Variants in ABCG2 observed in about 807,000 individuals in gnomAD.
ABCG2 encodes ATP binding cassette subfamily G member 2 (JR blood group), also known as broad substrate specificity ATP-binding cassette transporter ABCG2.
A neutral mutation model predicts 73.5 loss-of-function variants in ABCG2; 80 were observed. The ratio of observed to expected loss-of-function variants is 1.09; its 90% CI spans 0.91 to 1.31. The LOEUF (loss-of-function observed/expected upper bound fraction) is 1.31, where lower values mean the gene tolerates loss of function less well. Ranked by LOEUF, ABCG2 falls within the 50% of genes most tolerant of loss-of-function variation. The probability of loss-of-function intolerance (pLI) is 0.00; values close to 1 mark genes in which losing one functional copy is unlikely to be tolerated. For missense variants in ABCG2, 796 were observed against 786.2 expected, an observed-to-expected ratio of 1.01 and a Z score of -0.15; for synonymous variants, 269 against 282.4, an observed-to-expected ratio of 0.95 and a Z score of 0.48.
chr4:88,210,382 G>A (rs1016263831), intron 1 of ABCG2, among the ~76,000 whole-genome samples: 1 of 152,226 alleles, frequency 6.6e-6, no homozygotes, highest in South Asian at 2.1e-4. Context: ...GTTCGTTGAA[G>A]GAGAGTAAAA....
chr4:88,149,710 G>A (rs6843273), intron 1 of ABCG2, among the ~76,000 whole-genome samples: 2,350 of 152,230 alleles, frequency 0.015, 56 homozygotes, highest in African/African-American at 0.054. Flanking sequence ...AATTAGTTGG[G>A]CATGGTAGCG....
chr4:88,167,767 A>G (rs1403214915), intron 1 of ABCG2, among the ~76,000 whole-genome samples: 2 of 152,154 alleles, frequency 1.3e-5, no homozygotes, highest in Non-Finnish European at 2.9e-5. Context: ...GACTTTAGTT[A>G]TAACTTCAAA....
intron 7 of ABCG2, 37 bp from the exon 8 acceptor site, chr4:88,115,095 G>A: frequency 6.9e-7 from 1 of 1,445,874 alleles, no homozygotes; most frequent in Non-Finnish European, 9.7e-7. Flanking sequence ...CAAACTTGAT[G>A]GTCTTGGAAA....
At chr4:88,227,529 G>C (rs1311448735) in intron 1 of ABCG2, among the ~76,000 whole-genome samples, 1 of 152,120 alleles carries the variant, frequency 6.6e-6, no homozygotes, top group Non-Finnish European at 1.5e-5. Context: ...TGATCTCTGA[G>C]TGGTGGCACT....
intron 5 of ABCG2, among the ~76,000 whole-genome samples, chr4:88,125,607 CAAAAAAAAAAAAA>C (rs70957302): frequency 0.013 from 438 of 35,018 alleles, 8 homozygotes; most frequent in Non-Finnish European, 0.019. Context: ...GACTCTGTCT[CAAAAAAAAAAAAA>C]AAAAAAAAAA....
At position 88,099,449 on chromosome 4, in the gene ABCG2, C is replaced by A; in HGVS notation, c.1368-1G>T. ...GTAGTATCCGCTGATGTATTCATGT[C>A]TATAGAACAAAAATACGTATCATAC... On this transcript the variant is annotated splice_acceptor_variant, in intron 11 of 15. Transcript: ENST00000237612. LOFTEE classifies it high-confidence loss of function. The A allele has an allele frequency of 6.3e-7, 1 of 1,595,566 alleles. No individual in the cohort carries two copies. The highest frequency in any genetic ancestry group is 8.5e-7 in the Non-Finnish European group (1 of 1,173,740).
chr4:88,114,627 CA>C (rs11320820), intron 8 of ABCG2, among the ~76,000 whole-genome samples: 14,004 of 107,058 alleles, frequency 0.13, 1,502 homozygotes, highest in African/African-American at 0.34. Context: ...GATTCCTTCT[CA>C]AAAAAAAAAA....
intron 1 of ABCG2, among the ~76,000 whole-genome samples, chr4:88,150,681 C>T (rs910618040): frequency 3.9e-5 from 6 of 152,122 alleles, no homozygotes; most frequent in African/African-American, 1.4e-4. Flanking sequence ...ACAAAAATCA[C>T]ATAATGTTTT....
At chr4:88,140,994 A>G (rs1331049047) in intron 1 of ABCG2, among the ~76,000 whole-genome samples, 2 of 152,210 alleles carry the variant, frequency 1.3e-5, no homozygotes, top group African/African-American at 4.8e-5. Context: ...AAAAGGCCTC[A>G]AAAAAGATTT....
intron 2 of ABCG2, among the ~76,000 whole-genome samples, chr4:88,138,211 G>C (rs1296217641): frequency 6.6e-6 from 1 of 152,124 alleles, no homozygotes; most frequent in Non-Finnish European, 1.5e-5. Flanking sequence ...TGTTCCAAGA[G>C]TATAATGAAT....
chr4:88,170,410 T>C (rs1406035508), intron 1 of ABCG2, among the ~76,000 whole-genome samples: 1 of 152,216 alleles, frequency 6.6e-6, no homozygotes, highest in East Asian at 1.9e-4. Flanking sequence ...ACTTCTGGGA[T>C]TCTCTTCCCA....
At chr4:88,211,358 G>GGGC in intron 1 of ABCG2, among the ~76,000 whole-genome samples, 2 of 33,674 alleles carry the variant, frequency 5.9e-5, no homozygotes, top group African/African-American at 1.1e-4. Flanking sequence ...TTCAACCCCT[G>GGGC]CCCCACCCCC....
chr4:88,097,796 T>C (rs1285282324), intron 12 of ABCG2, among the ~76,000 whole-genome samples, 189 bp from the exon 13 acceptor site: 1 of 152,238 alleles, frequency 6.6e-6, no homozygotes, highest in African/African-American at 2.4e-5. Context: ...AAAGTTCTCT[T>C]ATAACACTTA....
At chr4:88,209,675 C>A (rs1342300347) in intron 1 of ABCG2, among the ~76,000 whole-genome samples, 2 of 151,660 alleles carry the variant, frequency 1.3e-5, no homozygotes, top group African/African-American at 2.4e-5. Context: ...AAACAAAAAA[C>A]AAAACAAAAA....
rs191577954 is a variant in ABCG2 at position 88,103,872 on chromosome 4, T to C, written c.1278-2553A>G. 2.6e-5 allele frequency among the ~76,000 whole-genome samples: 4 copies of C among 152,358 alleles called. No individual in the cohort carries two copies. The East Asian group carries it at 7.7e-4, about 29-fold the overall frequency. On this transcript the variant is annotated intron_variant, in intron 10 of 15. Transcript: ENST00000237612. ...TTTCACTTGGCATAATATTCTCCAA[T>C]TACATCCATGTTGTTGCAAATGACA...
intron 1 of ABCG2, among the ~76,000 whole-genome samples, chr4:88,145,746 C>T (rs1039292986): frequency 1.3e-5 from 2 of 152,088 alleles, no homozygotes; most frequent in Non-Finnish European, 2.9e-5. Context: ...TCAAGACCAC[C>T]CTGGCCAACA....
At chr4:88,155,913 GAAGT>G (rs1438995278) in intron 1 of ABCG2, among the ~76,000 whole-genome samples, 1 of 151,596 alleles carries the variant, frequency 6.6e-6, no homozygotes, top group Non-Finnish European at 1.5e-5. Context: ...AAAAAAAAAA[GAAGT>G]AACTCTAATA....
At chr4:88,231,417 T>C (rs1369561243), upstream of ABCG2, 2 of 152,202 alleles carry the variant, frequency 1.3e-5, no homozygotes, top group African/African-American at 2.4e-5. Context: ...GATCCTCTTC[T>C]GGCATTCCTA....
chr4:88,135,060 G>A (rs1003931719), intron 2 of ABCG2, among the ~76,000 whole-genome samples: 1 of 152,156 alleles, frequency 6.6e-6, no homozygotes, highest in Non-Finnish European at 1.5e-5. Flanking sequence ...CACCACAGCT[G>A]AGTAGCTGCA....
Sources: allele counts gnomAD v4.1 joint callset (sites outside exome capture counted in the v4.1 genomes callset), GRCh38; gene constraint gnomAD v4.1.1; transcripts MANE v1.5; gene names NCBI Gene and HGNC (gene_info 2026-07-23, HGNC 2026-07-21).